The following SNX10 variants were observed in gnomAD, a reference collection of about 807,000 sequenced individuals.
The protein encoded by SNX10 is sorting nexin-10.
SNX10 carries 25 observed loss-of-function variants against 28.5 expected under a neutral mutation model. The observed-to-expected ratio is 0.88, with a 90% CI of 0.64 to 1.22. SNX10 has a LOEUF of 1.22. Ranked by LOEUF, SNX10 falls within the 50% of genes most tolerant of loss-of-function variation. SNX10 has a pLI of 0.00. For synonymous variants in SNX10, 62 were observed against 81.4 expected (o/e 0.76, Z 1.28); for missense variants, 223 against 242.6 (o/e 0.92, Z 0.54).
intron 2 of SNX10, among the ~76,000 whole-genome samples, chr7:26,359,858 A>C (rs999608707): frequency 6.6e-6 from 1 of 152,058 alleles, no homozygotes; most frequent in African/African-American, 2.4e-5. Flanking sequence ...GTGTTTCACC[A>C]TGTTGGCCAG....
intron 1 of SNX10, among the ~76,000 whole-genome samples, chr7:26,330,163 A>G (rs1195564714): frequency 6.6e-6 from 1 of 152,042 alleles, no homozygotes; most frequent in Non-Finnish European, 1.5e-5. Flanking sequence ...CTAAGGCAAG[A>G]GCCCGGAATG....
chr7:26,297,871 A>G (rs1010089641), intron 1 of SNX10, among the ~76,000 whole-genome samples: 1 of 152,074 alleles, frequency 6.6e-6, no homozygotes, highest in Non-Finnish European at 1.5e-5. Flanking sequence ...TATATTATAG[A>G]TATATATGTA....
chr7:26,333,571 G>A (rs183260391), intron 1 of SNX10, among the ~76,000 whole-genome samples: 287 of 151,680 alleles, frequency 1.9e-3, no homozygotes, highest in African/African-American at 6.8e-3. Context: ...TGATCCGCCC[G>A]TCTCGGCCTC....
At position 26,364,699 on chromosome 7, in the gene SNX10, C is replaced by A; in HGVS notation, c.212+64C>A. ...ATATTCAGTATTTAAAATTGACGTT[C>A]ATTAAGATATATAAGATATGAAGGA... On this transcript the variant is annotated intron_variant, in intron 4 of 6. Coordinates refer to ENST00000338523, the MANE Select transcript of SNX10 (RefSeq NM_013322.3). This position sits in a 1 kb window ranked among gnomAD's most constrained non-coding sequence, Gnocchi z 4.9. The A allele has an allele frequency of 1.7e-6, 2 of 1,172,326 alleles. No homozygotes were observed. The highest frequency in any genetic ancestry group is 2.5e-6 in the Non-Finnish European group (2 of 809,802). The allele number at this position is 1,172,326 out of a possible 1,614,324, so 72.6% of individuals were successfully genotyped here.
At chr7:26,340,927 C>A (rs777269562) in intron 1 of SNX10, among the ~76,000 whole-genome samples, 7 of 152,126 alleles carry the variant, frequency 4.6e-5, no homozygotes, top group Non-Finnish European at 8.8e-5. Flanking sequence ...CCATCCCTGG[C>A]TGATTTTTTG....
intron 2 of SNX10, chr7:26,360,663 T>A: frequency 3.4e-6 from 1 of 293,882 alleles, no homozygotes; most frequent in Non-Finnish European, 5.8e-6. Flanking sequence ...CCTGAACCAA[T>A]TATTTAAGAT....
rs1562820428 is a variant in SNX10, at chr7:26,364,304, C to CAT, written c.112-229_112-228dup. 8.1e-7 allele frequency: 1 copy of CAT among 1,229,944 alleles called. No individual in the cohort carries two copies. Among genetic ancestry groups the CAT allele is most frequent in the African/African-American group, 1.5e-5 (1 of 65,130 alleles). 76.2% of individuals were successfully genotyped at this position (1,229,944 alleles called of 1,614,324 possible). ...TTCAGGATGCAGGGAGTGGCCAGGT[C>CAT]ATACCTCACCCTGGGGCAACACTGC... On this transcript the variant is annotated intron_variant, in intron 3 of 6. Coordinates refer to ENST00000338523, the MANE Select transcript of SNX10 (RefSeq NM_013322.3). The surrounding 1 kb of genome is among the most constrained non-coding windows in gnomAD (Gnocchi z 4.9).
intron 1 of SNX10, among the ~76,000 whole-genome samples, chr7:26,316,152 C>G (rs1005531084): frequency 2.7e-5 from 4 of 150,604 alleles, no homozygotes; most frequent in Admixed American, 6.6e-5. Flanking sequence ...CCACTGCACT[C>G]CAGCCTGGGA....
intron 2 of SNX10, among the ~76,000 whole-genome samples, chr7:26,357,327 T>TAAAAAAAAAAAAAAAAAA: frequency 9.1e-6 from 1 of 109,404 alleles, no homozygotes; most frequent in Non-Finnish European, 1.8e-5. Context: ...AAGAGAAGAT[T>TAAAAAAAAAAAAAAAAAA]AAAAAAAAAA....
intron 1 of SNX10, among the ~76,000 whole-genome samples, chr7:26,336,611 A>G (rs565512074): frequency 4.6e-5 from 7 of 152,328 alleles, no homozygotes; most frequent in Non-Finnish European, 1.0e-4. Context: ...AGGCTGAGGC[A>G]CGAAAATCCC....
intron 1 of SNX10, among the ~76,000 whole-genome samples, chr7:26,292,874 A>C (rs996676246): frequency 1.3e-5 from 2 of 152,236 alleles, no homozygotes; most frequent in Non-Finnish European, 2.9e-5. Context: ...AGGATCATTC[A>C]GCCAGATGGG....
intron 2 of SNX10, among the ~76,000 whole-genome samples, chr7:26,354,747 A>G (rs892171147): frequency 4.8e-4 from 73 of 152,046 alleles, no homozygotes; most frequent in Admixed American, 2.0e-4. Context: ...TAGTTTGCAA[A>G]TATTTCTTCA....
intron 5 of SNX10, among the ~76,000 whole-genome samples, chr7:26,368,723 C>T (rs1302744650): frequency 6.6e-6 from 1 of 152,096 alleles, no homozygotes; most frequent in Non-Finnish European, 1.5e-5. Flanking sequence ...ATTTTTATGT[C>T]TTTGTGTTCA....
chr7:26,346,971 G>A (rs929228999), intron 2 of SNX10, among the ~76,000 whole-genome samples: 1 of 152,212 alleles, frequency 6.6e-6, no homozygotes, highest in Non-Finnish European at 1.5e-5. Flanking sequence ...TGGGAGGAGC[G>A]TAGGACAGCC....
chr7:26,341,685 A>G (rs1584141664), intron 1 of SNX10, among the ~76,000 whole-genome samples: 1 of 152,156 alleles, frequency 6.6e-6, no homozygotes, highest in Middle Eastern at 3.4e-3. Context: ...GGGTTTCACC[A>G]TATTGGTCAG....
At chr7:26,336,173 A>G (rs1021732422) in intron 1 of SNX10, among the ~76,000 whole-genome samples, 1 of 152,220 alleles carries the variant, frequency 6.6e-6, no homozygotes, top group African/African-American at 2.4e-5. Context: ...AGGGAATAAT[A>G]AAAGTAACTG....
intron 1 of SNX10, among the ~76,000 whole-genome samples, chr7:26,297,070 A>G (rs758508217): frequency 1.3e-5 from 2 of 148,182 alleles, no homozygotes; most frequent in Non-Finnish European, 3.0e-5. Context: ...ATATTAAAAT[A>G]TATGTAAATA....
chr7:26,358,805 G>GTT (rs35527687), intron 2 of SNX10, among the ~76,000 whole-genome samples: 21,215 of 99,878 alleles, frequency 0.21, 2,947 homozygotes, highest in Non-Finnish European at 0.28. Context: ...GTTATCTTGT[G>GTT]TTTTTTTTTT....
In SNX10 at chr7:26,340,755, G is replaced by A. The variant is rs77245415; in HGVS notation, c.-23-5665G>A. Among the ~76,000 whole-genome samples, 955 of 152,308 alleles carry A rather than the reference G, an allele frequency of 6.3e-3. 10 individuals carry two copies. Among genetic ancestry groups the A allele is most frequent in the African/African-American group, 0.021 (883 of 41,564 alleles). ...TTCCTGTTGTTTGATGTGGTTGTGC[G>A]ATTTTATCTTTTTTCATTTGTTTAT... On this transcript the variant is annotated intron_variant, in intron 1 of 6. Coordinates refer to ENST00000338523, the MANE Select transcript of SNX10 (RefSeq NM_013322.3).
Sources: gnomAD v4.1 joint callset for allele counts (sites outside exome capture counted in the v4.1 genomes callset) on GRCh38, gnomAD v4.1.1 for gene constraint, Gnocchi (gnomAD v3.1) non-coding constraint, MANE v1.5 for transcripts, NCBI Gene and HGNC (gene_info 2026-07-23, HGNC 2026-07-21) for gene names.